The following PABPC4L variants were observed in gnomAD, a reference collection of about 807,000 sequenced individuals.
The protein encoded by PABPC4L is polyadenylate-binding protein 4-like.
For missense variants in PABPC4L, 452 were observed against 451.4 expected, an observed-to-expected ratio of 1.00 and a Z score of -0.01; for synonymous variants, 169 against 164.1, an observed-to-expected ratio of 1.03 and a Z score of -0.23.
chr4:134,191,370 C>T (rs1729507156), downstream of PABPC4L, among the ~76,000 whole-genome samples: 1 of 151,956 alleles, frequency 6.6e-6, no homozygotes, highest in Non-Finnish European at 1.5e-5. Context: ...AGTACTCCAG[C>T]CAATAACAGC....
chr4:134,155,072 A>C, the PABPC4L span, among the ~76,000 whole-genome samples: 1 of 152,104 alleles, frequency 6.6e-6, no homozygotes, highest in African/African-American at 2.4e-5. Context: ...ATGACAATTC[A>C]TATGGCACAA....
the PABPC4L span, among the ~76,000 whole-genome samples, chr4:134,150,232 C>T: frequency 1.3e-5 from 2 of 151,574 alleles, no homozygotes; most frequent in Non-Finnish European, 2.9e-5. Context: ...TACAGGCGCC[C>T]ACCACCATGC....
the PABPC4L span, among the ~76,000 whole-genome samples, chr4:134,096,636 A>G: frequency 1.3e-5 from 2 of 151,954 alleles, no homozygotes; most frequent in Non-Finnish European, 2.9e-5. Context: ...TATCAACTCT[A>G]TAAAGATATT....
the PABPC4L span, among the ~76,000 whole-genome samples, chr4:134,056,548 C>T: frequency 6.6e-6 from 1 of 151,784 alleles, no homozygotes; most frequent in Non-Finnish European, 1.5e-5. Flanking sequence ...AAGTTCTATA[C>T]AGTTCTGGTT....
chr4:134,061,179 C>G, the PABPC4L span, among the ~76,000 whole-genome samples: 3 of 151,778 alleles, frequency 2.0e-5, no homozygotes, highest in African/African-American at 7.3e-5. Flanking sequence ...ATCAAAATAG[C>G]TCATGTAACA....
At chr4:134,194,811 T>G (rs1729612234), downstream of PABPC4L, among the ~76,000 whole-genome samples, 1 of 151,530 alleles carries the variant, frequency 6.6e-6, no homozygotes, top group Non-Finnish European at 1.5e-5. Context: ...CAAAGGGAAA[T>G]AGTAGCACAA....
At chr4:133,962,719 A>G in the PABPC4L span, among the ~76,000 whole-genome samples, 1 of 152,160 alleles carries the variant, frequency 6.6e-6, no homozygotes, top group South Asian at 2.1e-4. Flanking sequence ...AAACAAAACA[A>G]TTATCAGCCA....
chr4:134,199,917 T>TTTCCTA lies in PABPC4L; in HGVS notation c.1102_1103insTAGGAA (p.Gln368delinsLeuGlyLys). 1 of 1,551,438 alleles carries TTTCCTA rather than the reference T, an allele frequency of 6.4e-7. No individual in the cohort carries two copies. The highest frequency in any genetic ancestry group is 1.2e-5 in the South Asian group (1 of 84,032). ...GTACGTTTTTCTTTCCTAGTGTCTC[T>TTTCCTA]GGGCCAAGGCAATGCTAAGAGGTTT... On this transcript the variant is annotated protein_altering_variant, in exon 2 of 2. Transcript: ENST00000421491.
At chr4:134,002,866 A>T in the PABPC4L span, among the ~76,000 whole-genome samples, 1 of 151,956 alleles carries the variant, frequency 6.6e-6, no homozygotes, top group African/African-American at 2.4e-5. Context: ...TTTTCTCCTC[A>T]CATTGTATCT....
At chr4:134,195,925 T>C (rs1185916088), downstream of PABPC4L, among the ~76,000 whole-genome samples, 3 of 151,750 alleles carry the variant, frequency 2.0e-5, no homozygotes, top group African/African-American at 4.8e-5. Context: ...GGTATTTAAT[T>C]TGTTCTACTT....
At chr4:134,151,945 CAT>C in the PABPC4L span, among the ~76,000 whole-genome samples, 3,415 of 151,582 alleles carry the variant, frequency 0.023, 131 homozygotes, top group African/African-American at 0.078. Flanking sequence ...AATAATGTAA[CAT>C]ATTTTTATAT....
At chr4:134,046,658 C>G in the PABPC4L span, among the ~76,000 whole-genome samples, 1 of 152,232 alleles carries the variant, frequency 6.6e-6, no homozygotes, top group South Asian at 2.1e-4. Flanking sequence ...GGACAATACT[C>G]AGGCTTTCTT....
chr4:134,095,075 C>T, the PABPC4L span, among the ~76,000 whole-genome samples: 2 of 151,882 alleles, frequency 1.3e-5, no homozygotes, highest in East Asian at 1.9e-4. Context: ...ACTTCTTTTA[C>T]AGAACAGATT....
chr4:134,049,066 T>C, the PABPC4L span, among the ~76,000 whole-genome samples: 1 of 152,062 alleles, frequency 6.6e-6, no homozygotes, highest in East Asian at 1.9e-4. Flanking sequence ...AATCCAGGTC[T>C]ACATGAAGAA....
the PABPC4L span, among the ~76,000 whole-genome samples, chr4:133,989,750 G>T: frequency 6.6e-6 from 1 of 151,986 alleles, no homozygotes; most frequent in Non-Finnish European, 1.5e-5. Context: ...CCCCACTCAT[G>T]ATACCAATTT....
the PABPC4L span, among the ~76,000 whole-genome samples, chr4:134,167,527 T>A: frequency 6.6e-6 from 1 of 151,926 alleles, no homozygotes; most frequent in African/African-American, 2.4e-5. Flanking sequence ...AAGTATATGC[T>A]GTGTATAAGA....
the PABPC4L span, among the ~76,000 whole-genome samples, chr4:134,160,655 T>C: frequency 3.3e-5 from 5 of 151,994 alleles, no homozygotes; most frequent in African/African-American, 9.7e-5. Context: ...TGTGAAAGGA[T>C]TGTTGAGGTC....
the PABPC4L span, among the ~76,000 whole-genome samples, chr4:134,176,726 C>T: frequency 6.6e-6 from 1 of 152,018 alleles, no homozygotes; most frequent in Non-Finnish European, 1.5e-5. Context: ...CATGTTTGGG[C>T]TCAACACGAA....
At chr4:133,979,000 A>G in the PABPC4L span, 1 of 152,316 alleles carries the variant, frequency 6.6e-6, no homozygotes, top group South Asian at 2.1e-4. Flanking sequence ...AGCAACAAAA[A>G]TTGTAAGTTA....
Sources: gnomAD v4.1 joint callset for allele counts (sites outside exome capture counted in the v4.1 genomes callset) on GRCh38, gnomAD v4.1.1 for gene constraint, MANE v1.5 for transcripts, NCBI Gene and HGNC (gene_info 2026-07-23, HGNC 2026-07-21) for gene names.